RMDN2: variants seen among roughly 807,000 people sequenced by gnomAD.
RMDN2 encodes regulator of microtubule dynamics protein 2.
A neutral mutation model predicts 52.8 loss-of-function variants in RMDN2; 61 were observed. The observed-to-expected ratio is 1.16, with a 90% CI of 0.94 to 1.43. The LOEUF is 1.43. RMDN2 is among the 40% of genes most tolerant of loss of function. RMDN2 has a pLI of 0.00. For synonymous variants in RMDN2, 180 were observed against 153.1 expected (o/e 1.18, Z -1.30); for missense variants, 592 against 475.3 (o/e 1.25, Z -2.28).
intron 4 of RMDN2, among the ~76,000 whole-genome samples, chr2:37,980,580 A>G (rs959019650): frequency 6.6e-6 from 1 of 152,220 alleles, no homozygotes; most frequent in African/African-American, 2.4e-5. Context: ...CTAGGATTAC[A>G]GGTGTGAGCC....
intron 10 of RMDN2, among the ~76,000 whole-genome samples, chr2:38,040,084 T>TATTA (rs1558580692): frequency 6.8e-6 from 1 of 147,402 alleles, no homozygotes. Flanking sequence ...TTATTATTAT[T>TATTA]TTGCATATGG....
intron 10 of RMDN2, among the ~76,000 whole-genome samples, chr2:38,009,686 G>T (rs928472831): frequency 6.6e-6 from 1 of 151,740 alleles, no homozygotes. Flanking sequence ...TAGTTTGATC[G>T]TCTGAAGCCT....
At chr2:37,999,693 T>C (rs1050648101) in intron 8 of RMDN2, among the ~76,000 whole-genome samples, 1 of 151,164 alleles carries the variant, frequency 6.6e-6, no homozygotes, top group Admixed American at 6.6e-5. Flanking sequence ...CCCAGGAGAG[T>C]CTGCAACCCC....
At chr2:37,981,261 T>C (rs751025692) in intron 4 of RMDN2, 22 bp from the exon 5 acceptor site, 1 of 1,420,562 alleles carries the variant, frequency 7.0e-7, no homozygotes, top group Non-Finnish European at 1.0e-6. Flanking sequence ...AGGTATTAAG[T>C]GTAAGTACTT....
At chr2:37,926,585 G>A (rs1293959375) in intron 1 of RMDN2, among the ~76,000 whole-genome samples, 1 of 146,132 alleles carries the variant, frequency 6.8e-6, no homozygotes, top group Non-Finnish European at 1.5e-5. Context: ...GTTTGGTAAA[G>A]TTTTTAATTA....
chr2:38,062,952 A>T (rs1682118095), intron 10 of RMDN2, among the ~76,000 whole-genome samples: 1 of 152,038 alleles, frequency 6.6e-6, no homozygotes. Context: ...TGAACTCATC[A>T]TTTTTTATGG....
intron 10 of RMDN2, among the ~76,000 whole-genome samples, chr2:38,052,226 T>C (rs1681646833): frequency 6.6e-6 from 1 of 152,228 alleles, no homozygotes; most frequent in Non-Finnish European, 1.5e-5. Context: ...TGTGGTAAGA[T>C]GATATCTCAT....
intron 10 of RMDN2, among the ~76,000 whole-genome samples, chr2:38,046,623 C>T (rs992400604): frequency 1.3e-5 from 2 of 151,870 alleles, no homozygotes; most frequent in Non-Finnish European, 2.9e-5. Context: ...ATCTTAAAAG[C>T]AACAAGAGAA....
intron 10 of RMDN2, among the ~76,000 whole-genome samples, chr2:38,066,257 CAT>C (rs1682275542): frequency 6.6e-6 from 1 of 152,200 alleles, no homozygotes; most frequent in South Asian, 2.1e-4. Context: ...ATATCTGACA[CAT>C]GTTGAAAAGT....
chr2:38,062,105 C>T (rs905910880), intron 10 of RMDN2, among the ~76,000 whole-genome samples: 2 of 152,192 alleles, frequency 1.3e-5, no homozygotes, highest in South Asian at 2.1e-4. Context: ...AACATTTTTT[C>T]CAATCACTTT....
chr2:38,065,107 AGAGAGTG>A (rs1348929202), intron 10 of RMDN2, among the ~76,000 whole-genome samples: 2 of 152,206 alleles, frequency 1.3e-5, no homozygotes, highest in African/African-American at 2.4e-5. Flanking sequence ...TCTATTCCCA[AGAGAGTG>A]GATAGAAAAA....
chr2:37,990,600 A>C (rs894684250), intron 6 of RMDN2, among the ~76,000 whole-genome samples: 5 of 146,150 alleles, frequency 3.4e-5, no homozygotes, highest in African/African-American at 1.4e-4. Flanking sequence ...TAAGTAGTTA[A>C]CAATCTCTGC....
intron 10 of RMDN2, among the ~76,000 whole-genome samples, chr2:38,052,873 A>G (rs1013423288): frequency 1.5e-4 from 23 of 152,264 alleles, no homozygotes; most frequent in African/African-American, 5.3e-4. Flanking sequence ...CTCACTAGCT[A>G]ATGGATTCAC....
chr2:38,045,816 A>C (rs763953708), intron 10 of RMDN2, among the ~76,000 whole-genome samples: 1 of 152,220 alleles, frequency 6.6e-6, no homozygotes, highest in African/African-American at 2.4e-5. Context: ...TGGCTTCACA[A>C]TTGATGCTGC....
chr2:38,009,884 G>T (rs1401536323), intron 10 of RMDN2, among the ~76,000 whole-genome samples: 1 of 152,150 alleles, frequency 6.6e-6, no homozygotes, highest in African/African-American at 2.4e-5. Flanking sequence ...TACAGATGGG[G>T]TTTTGGTGTG....
chr2:37,992,297 C>A (rs367914900), intron 7 of RMDN2, among the ~76,000 whole-genome samples: 1 of 152,226 alleles, frequency 6.6e-6, no homozygotes, highest in South Asian at 2.1e-4. Flanking sequence ...AGAAAACTTA[C>A]ATTTTGTTAA....
intron 8 of RMDN2, among the ~76,000 whole-genome samples, chr2:38,000,586 A>T (rs1676182703): frequency 6.6e-6 from 1 of 152,328 alleles, no homozygotes; most frequent in Admixed American, 6.5e-5. Context: ...TTTAATATAA[A>T]TGGAATCATA....
chr2:37,989,390 T>C (rs1674460208), intron 5 of RMDN2, 151 bp from the exon 6 acceptor site: 2 of 593,492 alleles, frequency 3.4e-6, no homozygotes, highest in Non-Finnish European at 6.0e-6. Flanking sequence ...ATGTCAAGTA[T>C]TTATTATTGT....
intron 2 of RMDN2, among the ~76,000 whole-genome samples, chr2:37,932,917 A>AC (rs1221807863): frequency 6.0e-5 from 7 of 117,464 alleles, no homozygotes; most frequent in Admixed American, 2.6e-4. Flanking sequence ...CGGGGGGCTG[A>AC]CCCCCCCACC....
Sources: allele counts gnomAD v4.1 joint callset (sites outside exome capture counted in the v4.1 genomes callset), GRCh38; gene constraint gnomAD v4.1.1; transcripts MANE v1.5; gene names NCBI Gene and HGNC (gene_info 2026-07-23, HGNC 2026-07-21).